MLIP: variants seen among roughly 807,000 people sequenced by gnomAD.
The protein encoded by MLIP is muscular LMNA interacting protein.
In MLIP, 79 loss-of-function variants were observed where a neutral mutation model predicts 84.8. That is an observed-to-expected ratio of 0.93 (90% CI 0.78 to 1.12). The LOEUF is 1.12. MLIP is among the 50% of genes most tolerant of loss of function. The probability of loss-of-function intolerance (pLI) is 0.00; values close to 1 mark genes in which losing one functional copy is unlikely to be tolerated. For missense variants in MLIP, 1,257 were observed against 1,160.6 expected (o/e 1.08, Z -1.21); for synonymous variants, 504 against 463.0 (o/e 1.09, Z -1.14).
At chr6:54,111,240 T>C (rs1197940470), upstream of MLIP, among the ~76,000 whole-genome samples, 1 of 152,240 alleles carries the variant, frequency 6.6e-6, no homozygotes, top group Non-Finnish European at 1.5e-5. Context: ...TTTCTTTTTT[T>C]CACTTCTACT....
At chr6:54,052,160 C>T (rs1765411795) in intron 1 of MLIP, among the ~76,000 whole-genome samples, 1 of 152,098 alleles carries the variant, frequency 6.6e-6, no homozygotes, top group African/African-American at 2.4e-5. Flanking sequence ...CGCTGACTTG[C>T]CTAGTTTAGA....
At chr6:54,160,345 G>A (rs1163390740) in intron 5 of MLIP, 22 bp from the exon 6 acceptor site, 2 of 1,603,324 alleles carry the variant, frequency 1.2e-6, no homozygotes, top group Admixed American at 1.7e-5. Flanking sequence ...CCTCATATAA[G>A]AACTATTTCA....
intron 10 of MLIP, among the ~76,000 whole-genome samples, chr6:54,192,628 A>C (rs1778028204): frequency 6.6e-6 from 1 of 151,746 alleles, no homozygotes; most frequent in Non-Finnish European, 1.5e-5. Flanking sequence ...ATATATTTAT[A>C]TTTTTATATA....
intron 11 of MLIP, among the ~76,000 whole-genome samples, chr6:54,204,217 G>T (rs1413323713): frequency 6.6e-6 from 1 of 151,974 alleles, no homozygotes; most frequent in Admixed American, 6.6e-5. Context: ...TAAAATTATA[G>T]ACCTCAAATT....
chr6:54,058,404 G>A (rs1179985407), intron 1 of MLIP, among the ~76,000 whole-genome samples: 1 of 152,192 alleles, frequency 6.6e-6, no homozygotes, highest in Non-Finnish European at 1.5e-5. Flanking sequence ...AATGCAGGCA[G>A]CATTCCACTT....
intron 3 of MLIP, among the ~76,000 whole-genome samples, chr6:54,128,042 G>A (rs1416251202): frequency 6.6e-6 from 1 of 152,228 alleles, no homozygotes; most frequent in African/African-American, 2.4e-5. Flanking sequence ...AGCCTGATGA[G>A]GTAGAATTAG....
At chr6:54,160,197 AACT>A (rs1774471894) in intron 5 of MLIP, among the ~76,000 whole-genome samples, 167 bp from the exon 6 acceptor site, 1 of 149,612 alleles carries the variant, frequency 6.7e-6, no homozygotes, top group Non-Finnish European at 1.5e-5. Context: ...TAAACACTTA[AACT>A]TAAGACCTAA....
chr6:54,024,768 C>T (rs990098539), intron 1 of MLIP, among the ~76,000 whole-genome samples: 1 of 152,128 alleles, frequency 6.6e-6, no homozygotes, highest in Non-Finnish European at 1.5e-5. Flanking sequence ...TATAATTATT[C>T]TTCAGAATGT....
chr6:54,216,342 T>C, intron 11 of MLIP: 2 of 985,386 alleles, frequency 2.0e-6, no homozygotes, highest in Non-Finnish European at 2.4e-6. Flanking sequence ...TCCTCCATCC[T>C]AAACACCTCC....
At chr6:54,124,395 G>A (rs1281299426) in intron 2 of MLIP, 78 bp from the exon 3 acceptor site, 4 of 1,340,718 alleles carry the variant, frequency 3.0e-6, no homozygotes, top group South Asian at 3.0e-5. Flanking sequence ...AGGAGGTTAA[G>A]CTTTTCAGTG....
At chr6:54,180,023 G>C (rs192420402) in intron 9 of MLIP, among the ~76,000 whole-genome samples, 7 of 152,118 alleles carry the variant, frequency 4.6e-5, no homozygotes, top group African/African-American at 1.4e-4. Context: ...TTTCTGGGAA[G>C]GTCTTTATTT....
At chr6:54,054,535 C>T (rs1283541197) in intron 1 of MLIP, among the ~76,000 whole-genome samples, 1 of 151,658 alleles carries the variant, frequency 6.6e-6, no homozygotes, top group Admixed American at 6.6e-5. Flanking sequence ...TACATTTTTG[C>T]AATTCACTGA....
chr6:54,180,945 T>A (rs941805156), intron 9 of MLIP, among the ~76,000 whole-genome samples: 2 of 152,186 alleles, frequency 1.3e-5, no homozygotes, highest in Admixed American at 6.5e-5. Flanking sequence ...GTATTTTTTG[T>A]AGTCTAGACA....
intron 1 of MLIP, among the ~76,000 whole-genome samples, chr6:54,057,536 C>A (rs1765731437): frequency 6.6e-6 from 1 of 152,176 alleles, no homozygotes; most frequent in Non-Finnish European, 1.5e-5. Context: ...GCAGAACCTG[C>A]ATTCTTAGAA....
chr6:54,132,458 C>T lies in MLIP; in HGVS notation c.646-4257C>T, dbSNP rs534682668. On this transcript the variant is annotated intron_variant, in intron 3 of 13. Coordinates refer to ENST00000502396, the MANE Select transcript of MLIP (RefSeq NM_001281747.2). ...CGAAAGTTTTTTTCATTCATCTTTCCTTAGAATGAGGGAAAGGGAATGAAG... is the reference window on the plus strand; with the variant it reads ...CGAAAGTTTTTTTCATTCATCTTTCTTTAGAATGAGGGAAAGGGAATGAAG... Among the ~76,000 whole-genome samples, 6 of 152,208 alleles carry T rather than the reference C, an allele frequency of 3.9e-5. No homozygotes were observed. The East Asian group carries it at 9.7e-4, about 24-fold the overall frequency.
At chr6:54,208,807 A>C (rs1779220180) in intron 11 of MLIP, among the ~76,000 whole-genome samples, 1 of 152,108 alleles carries the variant, frequency 6.6e-6, no homozygotes, top group Non-Finnish European at 1.5e-5. Flanking sequence ...AATACGTAAG[A>C]TATTTTTGAT....
At chr6:54,190,579 A>T in intron 10 of MLIP, among the ~76,000 whole-genome samples, 1 of 152,128 alleles carries the variant, frequency 6.6e-6, no homozygotes, top group East Asian at 1.9e-4. Flanking sequence ...TTTTACATTT[A>T]CAGCAAATCT....
rs182389513 is a variant in MLIP at position 54,255,768 on chromosome 6, T to C, written c.2923-1540T>C. Among the ~76,000 whole-genome samples the C allele has an allele frequency of 2.0e-5, 3 of 152,314 alleles. No homozygotes were observed. The East Asian group carries it at 5.8e-4, about 29-fold the overall frequency. ...TTTCTAATCTCAGTTGAATGCTTTA[T>C]TGGGATATTACCAAGATTTTAAAAT... On this transcript the variant is annotated intron_variant, in intron 12 of 13. Coordinates refer to ENST00000502396, the MANE Select transcript of MLIP (RefSeq NM_001281747.2).
intron 3 of MLIP, among the ~76,000 whole-genome samples, chr6:54,126,766 C>A (rs1770953648): frequency 6.6e-6 from 1 of 152,014 alleles, no homozygotes; most frequent in African/African-American, 2.4e-5. Context: ...CTGCTTGATG[C>A]CAACAATATC....
Sources: allele counts gnomAD v4.1 joint callset (sites outside exome capture counted in the v4.1 genomes callset), GRCh38; gene constraint gnomAD v4.1.1; transcripts MANE v1.5; gene names NCBI Gene and HGNC (gene_info 2026-07-23, HGNC 2026-07-21).